Variants in ASTN1 observed in about 807,000 individuals in gnomAD.
ASTN1 encodes astrotactin-1.
Under a neutral mutation model 140.7 loss-of-function variants are expected in ASTN1, and 41 were observed. The ratio of observed to expected loss-of-function variants is 0.29; its 90% CI spans 0.23 to 0.38. ASTN1 has a LOEUF of 0.38. Ranked by LOEUF, ASTN1 falls within the 10% of genes least tolerant of loss-of-function variation. ASTN1 has a pLI of 1.00. For synonymous variants in ASTN1, 640 were observed against 652.2 expected, an observed-to-expected ratio of 0.98 and a Z score of 0.29; for missense variants, 1,479 against 1,678.8, an observed-to-expected ratio of 0.88 and a Z score of 2.08.
At chr1:176,882,234 A>G (rs1668832437) in intron 20 of ASTN1, among the ~76,000 whole-genome samples, 1 of 152,202 alleles carries the variant, frequency 6.6e-6, no homozygotes, top group African/African-American at 2.4e-5. Context: ...AAATTACTTC[A>G]ATGCCATTGG....
Position 177,062,052 on chromosome 1 carries a change from T to C in ASTN1, c.284-787A>G, listed in dbSNP as rs986125048. On this transcript the variant is annotated intron_variant, in intron 1 of 22. Transcript: ENST00000361833. ...ATGCCCCTAGCACTGTAGTTGGTGC[T>C]AAGGTAGTACTGCAAAATATGCCGT... 2.6e-5 allele frequency among the ~76,000 whole-genome samples: 4 copies of C among 152,086 alleles called. No homozygotes were observed. The East Asian group carries it at 7.7e-4, about 29-fold the overall frequency.
At chr1:176,952,841 G>A (rs1672248817) in intron 11 of ASTN1, among the ~76,000 whole-genome samples, 1 of 152,136 alleles carries the variant, frequency 6.6e-6, no homozygotes, top group Non-Finnish European at 1.5e-5. Flanking sequence ...AAAGAGAACT[G>A]TTTGATCAGG....
chr1:177,150,399 G>A (rs1408749582), intron 1 of ASTN1, among the ~76,000 whole-genome samples: 1 of 152,092 alleles, frequency 6.6e-6, no homozygotes, highest in African/African-American at 2.4e-5. Flanking sequence ...GTAAATTTGG[G>A]AAATTGATCT....
intron 1 of ASTN1, among the ~76,000 whole-genome samples, chr1:177,118,904 G>A (rs546955019): frequency 3.9e-5 from 6 of 152,240 alleles, no homozygotes; most frequent in Admixed American, 2.6e-4. Flanking sequence ...GGGAGGCCTT[G>A]GGAACACGTC....
chr1:177,058,480 G>T (rs890877022), intron 2 of ASTN1, among the ~76,000 whole-genome samples: 1 of 152,276 alleles, frequency 6.6e-6, no homozygotes, highest in Non-Finnish European at 1.5e-5. Flanking sequence ...TTGGTGACAA[G>T]TAGCATATGA....
At chr1:176,967,819 T>A (rs1672946667) in intron 8 of ASTN1, among the ~76,000 whole-genome samples, 1 of 151,916 alleles carries the variant, frequency 6.6e-6, no homozygotes, top group Non-Finnish European at 1.5e-5. Flanking sequence ...ATTAAGAAAA[T>A]CAACTCAAAT....
intron 8 of ASTN1, among the ~76,000 whole-genome samples, chr1:176,985,809 CCTAG>C (rs748132351): frequency 6.7e-6 from 1 of 149,894 alleles, no homozygotes; most frequent in Non-Finnish European, 1.5e-5. Flanking sequence ...CATCTTTAGT[CCTAG>C]CTATTTTATT....
intron 12 of ASTN1, among the ~76,000 whole-genome samples, chr1:176,948,300 G>A (rs1268210922): frequency 7.0e-6 from 1 of 142,202 alleles, no homozygotes; most frequent in Non-Finnish European, 1.5e-5. Flanking sequence ...GGAGGGGAGG[G>A]AGAGGGGGGA....
At chr1:177,103,308 G>GA (rs1264189555) in intron 1 of ASTN1, among the ~76,000 whole-genome samples, 2 of 152,188 alleles carry the variant, frequency 1.3e-5, no homozygotes, top group Admixed American at 1.3e-4. Context: ...CTAGAAGCCA[G>GA]AAAAAAACCT....
chr1:177,105,422 T>A (rs555439550), intron 1 of ASTN1, among the ~76,000 whole-genome samples: 1 of 152,204 alleles, frequency 6.6e-6, no homozygotes, highest in African/African-American at 2.4e-5. Flanking sequence ...CTTTCTCTTC[T>A]TAGAAACACT....
chr1:177,017,140 T>A (rs1292191480), intron 7 of ASTN1, among the ~76,000 whole-genome samples: 1 of 152,246 alleles, frequency 6.6e-6, no homozygotes, highest in Non-Finnish European at 1.5e-5. Context: ...ACCATTTGTA[T>A]AGCACATTTA....
intron 1 of ASTN1, among the ~76,000 whole-genome samples, chr1:177,082,600 G>A (rs528603946): frequency 6.6e-5 from 10 of 152,272 alleles, no homozygotes; most frequent in South Asian, 6.2e-4. Context: ...AGGTCTCAGC[G>A]CCAGGATGTG....
chr1:176,936,999 A>AG (rs1671478801), intron 14 of ASTN1, among the ~76,000 whole-genome samples: 1 of 152,234 alleles, frequency 6.6e-6, no homozygotes. Flanking sequence ...CTTCAAAAAA[A>AG]GATAAGGTCC....
In ASTN1 at chr1:176,863,670, C is replaced by T. The variant is rs17378620; in HGVS notation, c.*614G>A. The T allele has an allele frequency of 0.053, 51,788 of 985,686 alleles. 1,496 individuals are homozygous for T. The highest frequency in any genetic ancestry group is 0.061 in the Middle Eastern group (117 of 1,912). 61.1% of individuals were successfully genotyped at this position (985,686 alleles called of 1,614,324 possible). A position where few individuals can be genotyped will look rare whatever the true frequency, so the allele number is the denominator to read the frequency against. On this transcript the variant is annotated 3_prime_UTR_variant, in exon 23 of 23. Coordinates refer to ENST00000361833, the MANE Select transcript of ASTN1 (RefSeq NM_004319.3). ...CAAAACCCAAGTGGCCCACTGGGGCCTATAATGAAAGCTGGTTTCACCTTT... is the reference window on the plus strand; with the variant it reads ...CAAAACCCAAGTGGCCCACTGGGGCTTATAATGAAAGCTGGTTTCACCTTT...
chr1:176,862,537 T>A lies in ASTN1; in HGVS notation c.*1747A>T, dbSNP rs1402962527. ...CTGTGGGGCTGAGAGCTTGGACAGT[T>A]GTGTGCCAGATGATACTGAAAACAG... On this transcript the variant is annotated 3_prime_UTR_variant, in exon 23 of 23. Transcript: ENST00000361833. 1 of 985,320 alleles carries A rather than the reference T, an allele frequency of 1.0e-6. No homozygotes were observed. Among genetic ancestry groups the A allele is most frequent in the African/African-American group, 1.7e-5 (1 of 57,224 alleles). The allele number at this position is 985,320 out of a possible 1,614,324, so 61.0% of individuals were successfully genotyped here.
chr1:176,976,865 A>G (rs1330177759), intron 8 of ASTN1: 1 of 152,264 alleles, frequency 6.6e-6, no homozygotes, highest in Non-Finnish European at 1.5e-5. Flanking sequence ...ACAAATGAAC[A>G]GGACAAGAGC....
chr1:177,093,006 G>A (rs1448817552), intron 1 of ASTN1, among the ~76,000 whole-genome samples: 1 of 152,086 alleles, frequency 6.6e-6, no homozygotes, highest in Non-Finnish European at 1.5e-5. Flanking sequence ...TGAACAAGAC[G>A]GAACTGAACA....
chr1:177,145,380 T>A (rs1682675790), intron 1 of ASTN1, among the ~76,000 whole-genome samples: 1 of 152,202 alleles, frequency 6.6e-6, no homozygotes, highest in Non-Finnish European at 1.5e-5. Context: ...AGGCTCACTG[T>A]ATGTCCAAAA....
At chr1:177,146,827 C>A (rs1393487684) in intron 1 of ASTN1, among the ~76,000 whole-genome samples, 1 of 152,080 alleles carries the variant, frequency 6.6e-6, no homozygotes, top group Non-Finnish European at 1.5e-5. Flanking sequence ...GTCAGTTGTT[C>A]TTTCAAGTAA....
Sources: gnomAD v4.1 joint callset for allele counts (sites outside exome capture counted in the v4.1 genomes callset) on GRCh38, gnomAD v4.1.1 for gene constraint, MANE v1.5 for transcripts, NCBI Gene and HGNC (gene_info 2026-07-23, HGNC 2026-07-21) for gene names.